Variants in DUSP10 observed in about 807,000 individuals in gnomAD.
The protein encoded by DUSP10 is dual specificity phosphatase 10, also known as dual specificity protein phosphatase 10.
A neutral mutation model predicts 30.8 loss-of-function variants in DUSP10; 14 were observed. The ratio of observed to expected loss-of-function variants is 0.46; its 90% CI spans 0.30 to 0.71. The LOEUF is 0.71. Ranked by LOEUF, DUSP10 falls within the 30% of genes least tolerant of loss-of-function variation. The pLI, the probability that DUSP10 is intolerant of heterozygous loss-of-function variation, is 0.08. For missense variants in DUSP10, 550 were observed against 619.4 expected, an observed-to-expected ratio of 0.89 and a Z score of 1.19; for synonymous variants, 254 against 250.4, an observed-to-expected ratio of 1.01 and a Z score of -0.14.
chr1:221,715,058 A>G (rs1387043526), intron 2 of DUSP10, among the ~76,000 whole-genome samples: 2 of 152,144 alleles, frequency 1.3e-5, no homozygotes, highest in Admixed American at 1.3e-4. Flanking sequence ...TTTTCCAGTC[A>G]TTAACTTGTT....
chr1:221,735,598 G>A (rs952560183), intron 2 of DUSP10, among the ~76,000 whole-genome samples: 1 of 152,112 alleles, frequency 6.6e-6, no homozygotes, highest in African/African-American at 2.4e-5. Flanking sequence ...AAATATAATT[G>A]TTTAATCTGG....
At position 221,741,760 on chromosome 1, in the gene DUSP10, C is replaced by A. The variant is rs189754868; in HGVS notation, c.-44+221G>T. On this transcript the variant is annotated intron_variant, in intron 1 of 3. Coordinates refer to ENST00000366899, the MANE Select transcript of DUSP10 (RefSeq NM_007207.6). Reference sequence around the variant, plus strand: ...ATCCAAGTAGACTGCAGGGAGTAAACGCACAGGGTAGCAGGAGCCAACGGC... The same window carrying A: ...ATCCAAGTAGACTGCAGGGAGTAAAAGCACAGGGTAGCAGGAGCCAACGGC... Among the ~76,000 whole-genome samples, 71 of 152,170 alleles carry A rather than the reference C, an allele frequency of 4.7e-4. 1 individual carries two copies. The South Asian group carries it at 0.013, about 27-fold the overall frequency.
chr1:221,740,958 G>A (rs1274528114), intron 1 of DUSP10, among the ~76,000 whole-genome samples: 1 of 152,096 alleles, frequency 6.6e-6, no homozygotes, highest in East Asian at 1.9e-4. Flanking sequence ...GCCAAGAGAC[G>A]CTCACCTAAA....
At chr1:221,711,714 T>A (rs1162764846) in intron 2 of DUSP10, 1 of 152,222 alleles carries the variant, frequency 6.6e-6, no homozygotes, top group Non-Finnish European at 1.5e-5. Flanking sequence ...ATAATTTCTA[T>A]CTCACAGAGC....
Position 221,706,064 on chromosome 1 carries a change from C to T in DUSP10, c.1183+31G>A, listed in dbSNP as rs769918349. 25 of 1,588,704 alleles carry T rather than the reference C, an allele frequency of 1.6e-5. 1 individual carries two copies. In the South Asian group the frequency reaches 2.4e-4, roughly 15 times the overall value. ...AGAGCTGGAGGGAAAAGGAAGGCAG[C>T]GGATGAAAATTCCCTATGGGAGATA... On this transcript the variant is annotated intron_variant, in intron 3 of 3. Transcript: ENST00000366899. The surrounding 1 kb of genome is among the most constrained non-coding windows in gnomAD (Gnocchi z 4.6).
At position 221,703,217 on chromosome 1, in the gene DUSP10, G is replaced by GTA. The variant is rs1178313328; in HGVS notation, c.1184-541_1184-540insTA. ...TGTGTGTGTATGTGTGTGTGTGTGTGTGTATATATATATATATGCAGTTCC... is the reference window on the plus strand; with the variant it reads ...TGTGTGTGTATGTGTGTGTGTGTGTGTATGTATATATATATATATGCAGTTCC... On this transcript the variant is annotated intron_variant, in intron 3 of 3. Transcript: ENST00000366899. 6.9e-3 allele frequency among the ~76,000 whole-genome samples: 1,050 copies of GTA among 151,476 alleles called. 8 individuals carry two copies. The highest frequency in any genetic ancestry group is 0.024 in the African/African-American group (973 of 40,924).
Position 221,717,481 on chromosome 1 carries a change from C to T in DUSP10, c.812-11015G>A, listed in dbSNP as rs192820122. The stretch of plus-strand genomic sequence containing the variant: ...AACAGAGAGAGAGAGAGAGAGAGAA[C>T]GCACTGATTTACCAAATGGTGTAAT... On this transcript the variant is annotated intron_variant, in intron 2 of 3. Transcript: ENST00000366899. Among the ~76,000 whole-genome samples the T allele has an allele frequency of 4.9e-4, 74 of 151,506 alleles. No homozygotes were observed. The Middle Eastern group carries it at 0.014, about 28-fold the overall frequency.
At chr1:221,731,680 C>T (rs1486684707) in intron 2 of DUSP10, among the ~76,000 whole-genome samples, 1 of 144,518 alleles carries the variant, frequency 6.9e-6, no homozygotes, top group Non-Finnish European at 1.5e-5. Context: ...GGGATCTCGG[C>T]TCACTCCAAC....
At chr1:221,723,095 G>A (rs995164364) in intron 2 of DUSP10, among the ~76,000 whole-genome samples, 9 of 152,154 alleles carry the variant, frequency 5.9e-5, no homozygotes, top group Non-Finnish European at 1.0e-4. Flanking sequence ...AAGAATCCCT[G>A]GTGTCAAAGA....
intron 2 of DUSP10, among the ~76,000 whole-genome samples, chr1:221,713,298 G>A (rs985004137): frequency 2.0e-5 from 3 of 152,134 alleles, no homozygotes; most frequent in South Asian, 2.1e-4. Context: ...CATCACTGCC[G>A]GAGGAAGTGG....
At chr1:221,732,765 C>A (rs926738705) in intron 2 of DUSP10, among the ~76,000 whole-genome samples, 1 of 152,136 alleles carries the variant, frequency 6.6e-6, no homozygotes, top group Non-Finnish European at 1.5e-5. Context: ...ACTTTGGGAG[C>A]TTTAAAAAAA....
chr1:221,702,907 A>G lies in DUSP10; in HGVS notation c.1184-230T>C, dbSNP rs1318186769. On this transcript the variant is annotated intron_variant, in intron 3 of 3. Transcript: ENST00000366899. This position sits in a 1 kb window ranked among gnomAD's most constrained non-coding sequence, Gnocchi z 4.5. The stretch of plus-strand genomic sequence containing the variant: ...AACAAGAAGCTATACATCTACATTT[A>G]AAGAGAAGATTAAATGAAAGAATTG... Among the ~76,000 whole-genome samples the G allele has an allele frequency of 6.6e-6, 1 of 152,230 alleles. No homozygotes were observed. Among genetic ancestry groups the G allele is most frequent in the African/African-American group, 2.4e-5 (1 of 41,458 alleles).
chr1:221,727,329 C>T (rs1434834803), intron 2 of DUSP10, among the ~76,000 whole-genome samples: 1 of 152,188 alleles, frequency 6.6e-6, no homozygotes, highest in Admixed American at 6.5e-5. Context: ...TATTTAACAA[C>T]AACTCAGATA....
intron 3 of DUSP10, among the ~76,000 whole-genome samples, chr1:221,703,353 T>C (rs920796032): frequency 4.6e-5 from 7 of 152,184 alleles, no homozygotes; most frequent in African/African-American, 1.2e-4. Flanking sequence ...CTTTATTCTA[T>C]AGAATTGCTC....
In DUSP10 at chr1:221,706,628, A is replaced by G. The variant is rs565959205; in HGVS notation, c.812-162T>C. ...AAAATAAAAATAAAAATAAAACAAA[A>G]CAAAACAAAAACTAAAAGTCCATTT... On this transcript the variant is annotated intron_variant, in intron 2 of 3. Coordinates refer to ENST00000366899, the MANE Select transcript of DUSP10 (RefSeq NM_007207.6). This position sits in a 1 kb window ranked among gnomAD's most constrained non-coding sequence, Gnocchi z 4.6. Among the ~76,000 whole-genome samples, 12 of 152,236 alleles carry G rather than the reference A, an allele frequency of 7.9e-5. No individual in the cohort carries two copies. The highest frequency in any genetic ancestry group is 2.6e-4 in the African/African-American group (11 of 41,550).
At chr1:221,720,718 G>A (rs1381554585) in intron 2 of DUSP10, among the ~76,000 whole-genome samples, 1 of 152,102 alleles carries the variant, frequency 6.6e-6, no homozygotes, top group Non-Finnish European at 1.5e-5. Flanking sequence ...AGTATGGTAG[G>A]ATAAAAATTT....
chr1:221,717,392 T>G (rs1344299518), intron 2 of DUSP10, among the ~76,000 whole-genome samples: 1 of 151,900 alleles, frequency 6.6e-6, no homozygotes, highest in Non-Finnish European at 1.5e-5. Context: ...CTCCTGAGTG[T>G]TCCAAAGTCC....
At chr1:221,712,879 G>A (rs1356017818) in intron 2 of DUSP10, among the ~76,000 whole-genome samples, 1 of 150,544 alleles carries the variant, frequency 6.6e-6, no homozygotes, top group Non-Finnish European at 1.5e-5. Context: ...GAAGTATTCT[G>A]GGCTATCTTT....
intron 1 of DUSP10, 103 bp from the exon 2 acceptor site, chr1:221,739,890 T>A: frequency 1.6e-6 from 2 of 1,222,912 alleles, no homozygotes; most frequent in Non-Finnish European, 2.2e-6. Context: ...CTGAGCAAAG[T>A]CGTCCTAATT....
Sources: gnomAD v4.1 joint callset for allele counts (sites outside exome capture counted in the v4.1 genomes callset) on GRCh38, gnomAD v4.1.1 for gene constraint, Gnocchi (gnomAD v3.1) non-coding constraint, MANE v1.5 for transcripts, NCBI Gene and HGNC (gene_info 2026-07-23, HGNC 2026-07-21) for gene names.